Variants in IGF2BP3 observed in about 807,000 individuals in gnomAD.
The protein encoded by IGF2BP3 is insulin-like growth factor 2 mRNA-binding protein 3.
In IGF2BP3, 9 loss-of-function variants were observed where a neutral mutation model predicts 73.8. That is an observed-to-expected ratio of 0.12 (90% CI 0.07 to 0.21). IGF2BP3 has a LOEUF of 0.21. Ranked by LOEUF, IGF2BP3 falls within the 10% of genes least tolerant of loss-of-function variation. The pLI, the probability that IGF2BP3 is intolerant of heterozygous loss-of-function variation, is 1.00. For synonymous variants in IGF2BP3, 258 were observed against 256.7 expected, an observed-to-expected ratio of 1.01 and a Z score of -0.05; for missense variants, 542 against 714.0, an observed-to-expected ratio of 0.76 and a Z score of 2.75.
intron 2 of IGF2BP3, among the ~76,000 whole-genome samples, chr7:23,445,976 A>G (rs1788055517): frequency 6.6e-6 from 1 of 152,218 alleles, no homozygotes; most frequent in Admixed American, 6.5e-5. Flanking sequence ...GAAGCACAAA[A>G]CAAATTAAAA....
At chr7:23,449,748 G>A (rs1336980598) in intron 2 of IGF2BP3, among the ~76,000 whole-genome samples, 4 of 151,572 alleles carry the variant, frequency 2.6e-5, no homozygotes, top group East Asian at 2.0e-4. Context: ...TAGTAGAGAC[G>A]GGGGTGGTTT....
chr7:23,380,357 G>T (rs975586948), intron 3 of IGF2BP3, among the ~76,000 whole-genome samples: 3 of 152,076 alleles, frequency 2.0e-5, no homozygotes, highest in African/African-American at 7.2e-5. Flanking sequence ...TAGAGACGGG[G>T]TTTCACTGTG....
intron 10 of IGF2BP3, among the ~76,000 whole-genome samples, chr7:23,341,290 C>G (rs866729859): frequency 6.6e-6 from 1 of 152,142 alleles, no homozygotes; most frequent in South Asian, 2.1e-4. Context: ...GGAAAACACA[C>G]AGAGTCACTC....
chr7:23,310,545 A>C lies in IGF2BP3; in HGVS notation c.*1817T>G, dbSNP rs915512642. ...TCTGGCCTTAAACACATCTTACCTG[A>C]AATCCAACCAGAAAGCCAGTCCATG... On this transcript the variant is annotated 3_prime_UTR_variant, in exon 15 of 15. Coordinates refer to ENST00000258729, the MANE Select transcript of IGF2BP3 (RefSeq NM_006547.3). The C allele has an allele frequency of 3.3e-5, 5 of 152,356 alleles. No homozygotes were observed. Among genetic ancestry groups the C allele is most frequent in the African/African-American group, 9.6e-5 (4 of 41,580 alleles). The allele number at this position is 152,356 out of a possible 1,614,324, so 9.4% of individuals were successfully genotyped here. A position where few individuals can be genotyped will look rare whatever the true frequency, so the allele number is the denominator to read the frequency against.
chr7:23,465,860 G>T (rs1788554910), intron 2 of IGF2BP3, among the ~76,000 whole-genome samples: 1 of 152,060 alleles, frequency 6.6e-6, no homozygotes, highest in African/African-American at 2.4e-5. Flanking sequence ...ACAACCTCTT[G>T]ACCTTCCCTT....
intron 3 of IGF2BP3, chr7:23,415,348 C>CGTCCATCA (rs1394503666): frequency 8.5e-6 from 2 of 236,220 alleles, no homozygotes; most frequent in Non-Finnish European, 1.7e-5. Context: ...CCGCAGGTCC[C>CGTCCATCA]GTCCATCAGT....
intron 3 of IGF2BP3, among the ~76,000 whole-genome samples, chr7:23,380,034 C>T (rs1251273932): frequency 1.3e-5 from 2 of 151,962 alleles, no homozygotes; most frequent in Non-Finnish European, 2.9e-5. Context: ...AAAGTCGTAA[C>T]TTGGTAATGT....
intron 2 of IGF2BP3, among the ~76,000 whole-genome samples, chr7:23,446,149 T>C (rs976338222): frequency 6.6e-6 from 1 of 152,210 alleles, no homozygotes; most frequent in African/African-American, 2.4e-5. Flanking sequence ...CTCACTTCCA[T>C]AGTCTGAGCA....
At chr7:23,315,499 T>C (rs1442026541) in intron 12 of IGF2BP3, among the ~76,000 whole-genome samples, 6 of 152,134 alleles carry the variant, frequency 3.9e-5, no homozygotes, top group Non-Finnish European at 4.4e-5. Context: ...ACCTATTACA[T>C]ACAGCAAAGC....
At position 23,470,330 on chromosome 7, in the gene IGF2BP3, AAAGCCTAGCTAC is replaced by A. The variant is rs1240989692; in HGVS notation, c.-232_-221del. The A allele has an allele frequency of 2.7e-6, 1 of 366,674 alleles. No individual in the cohort carries two copies. The highest frequency in any genetic ancestry group is 4.5e-5 in the East Asian group (1 of 22,188). The allele number at this position is 366,674 out of a possible 1,614,324, so 22.7% of individuals were successfully genotyped here. A position where few individuals can be genotyped will look rare whatever the true frequency, so the allele number is the denominator to read the frequency against. ...GTGTTTTAAAAGAGAAAGAAAAGAA[AAAGCCTAGCTAC>A]AACCCAAACGCATCCACCAGTCTTC... On this transcript the variant is annotated 5_prime_UTR_variant, in exon 1 of 15. An upstream open reading frame in the 5' UTR loses its in-frame stop. Transcript: ENST00000258729.
intron 3 of IGF2BP3, among the ~76,000 whole-genome samples, chr7:23,398,824 A>T (rs1160902845): frequency 6.6e-6 from 1 of 152,090 alleles, no homozygotes; most frequent in Admixed American, 6.5e-5. Flanking sequence ...TTGTCAGATG[A>T]GTAGGTTGCA....
intron 2 of IGF2BP3, among the ~76,000 whole-genome samples, chr7:23,457,613 T>C (rs1720053528): frequency 6.6e-6 from 1 of 152,210 alleles, no homozygotes; most frequent in Non-Finnish European, 1.5e-5. Context: ...AGAGAACTAT[T>C]TGTACCTACA....
At chr7:23,321,828 G>C (rs556202662) in intron 10 of IGF2BP3, among the ~76,000 whole-genome samples, 6 of 152,232 alleles carry the variant, frequency 3.9e-5, no homozygotes, top group Admixed American at 2.0e-4. Context: ...CACCTCACAG[G>C]GCCGGGTACT....
At chr7:23,355,674 T>C (rs900592175) in intron 5 of IGF2BP3, among the ~76,000 whole-genome samples, 1 of 152,176 alleles carries the variant, frequency 6.6e-6, no homozygotes, top group Non-Finnish European at 1.5e-5. Context: ...GGCTCATGCC[T>C]GTAATCCCAA....
intron 2 of IGF2BP3, among the ~76,000 whole-genome samples, chr7:23,419,957 G>C (rs1787297636): frequency 6.6e-6 from 1 of 152,122 alleles, no homozygotes; most frequent in South Asian, 2.1e-4. Context: ...CAGCACCTTA[G>C]TCCAAATGCC....
At chr7:23,421,547 C>G (rs973417121) in intron 2 of IGF2BP3, among the ~76,000 whole-genome samples, 4 of 151,036 alleles carry the variant, frequency 2.6e-5, no homozygotes, top group African/African-American at 9.7e-5. Context: ...ACAAAATTAG[C>G]TGGGCATGGT....
At chr7:23,323,982 T>C (rs1177397649) in intron 10 of IGF2BP3, among the ~76,000 whole-genome samples, 2 of 151,684 alleles carry the variant, frequency 1.3e-5, no homozygotes, top group African/African-American at 4.9e-5. Flanking sequence ...AGATCCAAAA[T>C]TGACACCCTA....
In IGF2BP3 at chr7:23,470,159, T is replaced by C. The variant is rs754900315; in HGVS notation, c.-49A>G. ...AAAATAACGAGAAAAAACGAAAAAT[T>C]AAAACCACCCACGGTGATGGATGGA... On this transcript the variant is annotated 5_prime_UTR_variant, in exon 1 of 15. Transcript: ENST00000258729. The C allele has an allele frequency of 1.1e-5, 16 of 1,505,202 alleles. No homozygotes were observed. Among genetic ancestry groups the C allele is most frequent in the Non-Finnish European group, 1.4e-5 (16 of 1,105,940 alleles). 93.2% of individuals were successfully genotyped at this position (1,505,202 alleles called of 1,614,324 possible). A position where few individuals can be genotyped will look rare whatever the true frequency, so the allele number is the denominator to read the frequency against.
chr7:23,460,880 G>A (rs2128551365), intron 2 of IGF2BP3, among the ~76,000 whole-genome samples: 1 of 152,242 alleles, frequency 6.6e-6, no homozygotes, highest in South Asian at 2.1e-4. Flanking sequence ...GAACCCGGGA[G>A]GCGGAGGCTG....
Sources: allele counts gnomAD v4.1 joint callset (sites outside exome capture counted in the v4.1 genomes callset), GRCh38; gene constraint gnomAD v4.1.1; transcripts MANE v1.5; gene names NCBI Gene and HGNC (gene_info 2026-07-23, HGNC 2026-07-21).